The following ZSCAN18 variants were observed in gnomAD, a reference collection of about 807,000 sequenced individuals.
ZSCAN18 encodes zinc finger and SCAN domain-containing protein 18.
Under a neutral mutation model 31.1 loss-of-function variants are expected in ZSCAN18, and 16 were observed. The observed-to-expected ratio is 0.51, with a 90% CI of 0.35 to 0.78. The LOEUF (loss-of-function observed/expected upper bound fraction) is 0.78, where lower values mean the gene tolerates loss of function less well. ZSCAN18 is among the 30% of genes least tolerant of loss of function. The probability of loss-of-function intolerance (pLI) is 0.01; values close to 1 mark genes in which losing one functional copy is unlikely to be tolerated. For synonymous variants in ZSCAN18, 375 were observed against 320.7 expected (o/e 1.17, Z -1.81); for missense variants, 731 against 697.4 (o/e 1.05, Z -0.54).
rs1265226653 is a variant in ZSCAN18 at position 58,108,312 on chromosome 19, G to A, written c.130+9955C>T. 4 of 985,336 alleles carry A rather than the reference G, an allele frequency of 4.1e-6. No individual in the cohort carries two copies. The South Asian group carries it at 1.4e-4, about 35-fold the overall frequency. The allele number at this position is 985,336 out of a possible 1,614,324, so 61.0% of individuals were successfully genotyped here. A position where few individuals can be genotyped will look rare whatever the true frequency, so the allele number is the denominator to read the frequency against. ...ATGGACAATAAGGTTGGAGACATCA[G>A]AAAAGGATTTTTCACATTCATTACA... On this transcript the variant is annotated intron_variant, in intron 1 of 1. Transcript: ENST00000595721.
rs2074388330 is a variant in ZSCAN18, at chr19:58,090,449, C to G, written c.-119-63G>C. 7.1e-7 allele frequency: 1 copy of G among 1,418,178 alleles called. No individual in the cohort carries two copies. The highest frequency in any genetic ancestry group is 1.4e-5 in the African/African-American group (1 of 69,074). The allele number at this position is 1,418,178 out of a possible 1,614,324, so 87.8% of individuals were successfully genotyped here. A position where few individuals can be genotyped will look rare whatever the true frequency, so the allele number is the denominator to read the frequency against. ...GGCCAGGGCGCAGCCACCCCAGCTG[C>G]CAGAGAACAAAGACACCACACCCAG... is the stretch of plus-strand genomic sequence containing the variant. On this transcript the variant is annotated intron_variant, in intron 1 of 6. Transcript: ENST00000601144. The surrounding 1 kb of genome is among the most constrained non-coding windows in gnomAD (Gnocchi z 4.7).
At chr19:58,098,735 AAGAG>A, upstream of ZSCAN18, among the ~76,000 whole-genome samples, 1 of 152,308 alleles carries the variant, frequency 6.6e-6, no homozygotes, top group South Asian at 2.1e-4. Flanking sequence ...GGCTCAGGAA[AAGAG>A]AGAGACCCAG....
chr19:58,096,036 A>G (rs1365487842), intron 1 of ZSCAN18, among the ~76,000 whole-genome samples: 2 of 152,136 alleles, frequency 1.3e-5, no homozygotes, highest in Admixed American at 1.3e-4. Context: ...TGCCTCCTTC[A>G]GCCCCATTCC....
chr19:58,109,365 G>A (rs2146025039), intron 1 of ZSCAN18: 1 of 1,230,326 alleles, frequency 8.1e-7, no homozygotes, highest in Non-Finnish European at 1.0e-6. Flanking sequence ...AGTTAGAATG[G>A]TAATGTGTAA....
intron 6 of ZSCAN18, 182 bp downstream of exon 6, chr19:58,085,992 T>G (rs1435106778): frequency 4.9e-6 from 3 of 612,076 alleles, no homozygotes; most frequent in Non-Finnish European, 8.9e-6. Flanking sequence ...TGGTCTGTCA[T>G]GCAGCAAGAG....
intron 2 of ZSCAN18, among the ~76,000 whole-genome samples, chr19:58,089,153 A>G (rs2074350984): frequency 1.3e-5 from 2 of 148,572 alleles, no homozygotes; most frequent in South Asian, 2.2e-4. Context: ...AATACAAAAA[A>G]TTAGCCGGGC....
In ZSCAN18 at chr19:58,090,190, T is replaced by G. The variant is rs1599963720; in HGVS notation, c.78A>C (p.Ala26=). ...CGGGTTCTTCCTGCTGGACTCCGGCTGCTGACCCCGGCGTGGGCAGATCCG... is the reference window on the plus strand; with the variant it reads ...CGGGTTCTTCCTGCTGGACTCCGGCGGCTGACCCCGGCGTGGGCAGATCCG... ...APPDLPTPGS[A]AGVQQEEPET... The change falls in exon 2 of 7, where the codon GCA becomes GCC. Residue 26 remains alanine (A), a synonymous_variant. Coordinates refer to ENST00000601144, the MANE Select transcript of ZSCAN18 (RefSeq NM_001145543.2). This position sits in a 1 kb window ranked among gnomAD's most constrained non-coding sequence, Gnocchi z 4.7. The G allele has an allele frequency of 2.5e-6, 4 of 1,613,712 alleles. No individual in the cohort carries two copies. The East Asian group carries it at 8.9e-5, about 36-fold the overall frequency.
chr19:58,111,023 C>G (rs1461014711), intron 1 of ZSCAN18, among the ~76,000 whole-genome samples: 1 of 152,100 alleles, frequency 6.6e-6, no homozygotes, highest in Non-Finnish European at 1.5e-5. Flanking sequence ...AAAATATGAG[C>G]CAGGCGTGGT....
At chr19:58,109,092 C>T (rs949407875) in intron 1 of ZSCAN18, 2 of 1,227,424 alleles carry the variant, frequency 1.6e-6, no homozygotes, top group African/African-American at 3.1e-5. Context: ...CTCATAGATG[C>T]TCTGGGTCCT....
At chr19:58,100,428 G>A (rs1425672435), upstream of ZSCAN18, among the ~76,000 whole-genome samples, 1 of 152,162 alleles carries the variant, frequency 6.6e-6, no homozygotes, top group African/African-American at 2.4e-5. Context: ...GTGGGGCAGA[G>A]AGAGGGTCCA....
At chr19:58,086,132 C>G in intron 6 of ZSCAN18, 42 bp downstream of exon 6, 1 of 1,598,132 alleles carries the variant, frequency 6.3e-7, no homozygotes, top group Non-Finnish European at 8.6e-7. Context: ...GAAGAAAAAG[C>G]AAACCCCACC....
chr19:58,105,085 G>A (rs1322768727), intron 1 of ZSCAN18, among the ~76,000 whole-genome samples: 3 of 152,166 alleles, frequency 2.0e-5, no homozygotes, highest in Non-Finnish European at 2.9e-5. Flanking sequence ...AAACCCTAGG[G>A]CCTTAAGATT....
chr19:58,097,317 G>C (rs369619693), intron 1 of ZSCAN18, among the ~76,000 whole-genome samples: 2 of 152,030 alleles, frequency 1.3e-5, no homozygotes, highest in Non-Finnish European at 2.9e-5. Flanking sequence ...GAGGGGGATT[G>C]GGAAAAGGAA....
intron 1 of ZSCAN18, among the ~76,000 whole-genome samples, chr19:58,113,265 G>A (rs1324823087): frequency 6.7e-6 from 1 of 150,094 alleles, no homozygotes; most frequent in Non-Finnish European, 1.5e-5. Context: ...GCAGTGAGCC[G>A]AGATCACGCC....
chr19:58,105,668 T>G (rs1173688876), intron 1 of ZSCAN18, among the ~76,000 whole-genome samples: 1 of 143,482 alleles, frequency 7.0e-6, no homozygotes, highest in East Asian at 2.1e-4. Flanking sequence ...CTCAAAAAAA[T>G]AAAAAATAAA....
chr19:58,104,533 T>C (rs923090429), intron 1 of ZSCAN18, among the ~76,000 whole-genome samples: 1 of 151,566 alleles, frequency 6.6e-6, no homozygotes, highest in Admixed American at 6.6e-5. Context: ...ACCCCATCTC[T>C]GCTAAAAATA....
chr19:58,089,099 C>G (rs1424991074), intron 2 of ZSCAN18, among the ~76,000 whole-genome samples: 1 of 142,602 alleles, frequency 7.0e-6, no homozygotes, highest in South Asian at 2.3e-4. Context: ...GTCAGGAGAT[C>G]GAGGCCATCC....
At chr19:58,115,737 T>C (rs1424426137) in intron 1 of ZSCAN18, among the ~76,000 whole-genome samples, 24 of 152,206 alleles carry the variant, frequency 1.6e-4, no homozygotes, top group Admixed American at 1.6e-3. Context: ...AAATTAAAAT[T>C]CAAAAGTAGT....
At chr19:58,085,730 C>G in intron 6 of ZSCAN18, 2 of 373,528 alleles carry the variant, frequency 5.4e-6, no homozygotes, top group Non-Finnish European at 9.7e-6. Flanking sequence ...CTGCTCAGAG[C>G]GCACCCTCCT....
Sources: gnomAD v4.1 joint callset for allele counts (sites outside exome capture counted in the v4.1 genomes callset) on GRCh38, gnomAD v4.1.1 for gene constraint, Gnocchi (gnomAD v3.1) non-coding constraint, MANE v1.5 for transcripts, NCBI Gene and HGNC (gene_info 2026-07-23, HGNC 2026-07-21) for gene names.